CSMD1: variants seen among roughly 807,000 people sequenced by gnomAD.
The protein encoded by CSMD1 is CUB and Sushi multiple domains 1, also known as CUB and sushi domain-containing protein 1.
CSMD1 carries 213 observed loss-of-function variants against 417.5 expected under a neutral mutation model. The ratio of observed to expected loss-of-function variants is 0.51; its 90% CI spans 0.46 to 0.57. The LOEUF is 0.57. CSMD1 is among the 20% of genes least tolerant of loss of function. The pLI is 0.00. For missense variants in CSMD1, 6,923 were observed against 4,529.7 expected, an observed-to-expected ratio of 1.53 and a Z score of -15.17; for synonymous variants, 2,862 against 1,736.8, an observed-to-expected ratio of 1.65 and a Z score of -16.11.
At chr8:4,137,604 C>G (rs941399190) in intron 3 of CSMD1, among the ~76,000 whole-genome samples, 1 of 130,546 alleles carries the variant, frequency 7.7e-6, no homozygotes, top group African/African-American at 2.5e-5. Flanking sequence ...TTGTAAGATA[C>G]AAAAAAGACA....
chr8:4,667,706 A>T (rs1805026917), intron 1 of CSMD1, among the ~76,000 whole-genome samples: 1 of 152,204 alleles, frequency 6.6e-6, no homozygotes, highest in Non-Finnish European at 1.5e-5. Flanking sequence ...TAAAATATTG[A>T]CCTTAAATCA....
intron 23 of CSMD1, among the ~76,000 whole-genome samples, chr8:3,318,712 G>A (rs1259402793): frequency 6.6e-6 from 1 of 152,108 alleles, no homozygotes; most frequent in Non-Finnish European, 1.5e-5. Flanking sequence ...TTGGGTGGTG[G>A]TCACAGGAGT....
chr8:3,691,927 C>T (rs1272175753), intron 7 of CSMD1, among the ~76,000 whole-genome samples: 1 of 152,136 alleles, frequency 6.6e-6, no homozygotes, highest in East Asian at 1.9e-4. Flanking sequence ...AAAACACACT[C>T]CAATATTATT....
intron 3 of CSMD1, among the ~76,000 whole-genome samples, chr8:4,374,366 A>C (rs1435259493): frequency 6.6e-6 from 1 of 152,180 alleles, no homozygotes; most frequent in Non-Finnish European, 1.5e-5. Context: ...TATAGGTGTC[A>C]GGGGATATCA....
At chr8:3,197,552 G>A (rs1005004145) in intron 33 of CSMD1, among the ~76,000 whole-genome samples, 5 of 145,264 alleles carry the variant, frequency 3.4e-5, no homozygotes, top group South Asian at 4.4e-4. Flanking sequence ...TGCAAGCTCC[G>A]CCTCCCGGGT....
intron 5 of CSMD1, among the ~76,000 whole-genome samples, chr8:3,769,433 C>A (rs889326050): frequency 8.9e-6 from 1 of 112,220 alleles, no homozygotes; most frequent in Non-Finnish European, 2.3e-5. Context: ...CATCCAATTC[C>A]AGTGTAAAGT....
chr8:3,961,303 A>T (rs913891652), intron 5 of CSMD1, among the ~76,000 whole-genome samples: 1 of 152,220 alleles, frequency 6.6e-6, no homozygotes, highest in African/African-American at 2.4e-5. Context: ...TTATATGAGC[A>T]TAAAAGTCAT....
intron 18 of CSMD1, among the ~76,000 whole-genome samples, chr8:3,374,579 C>A (rs564877838): frequency 6.6e-6 from 1 of 152,114 alleles, no homozygotes; most frequent in African/African-American, 2.4e-5. Context: ...GCTGGTGAAT[C>A]AACAAAGTGA....
At chr8:3,414,454 G>A (rs894827017) in intron 12 of CSMD1, among the ~76,000 whole-genome samples, 2 of 152,068 alleles carry the variant, frequency 1.3e-5, no homozygotes, top group African/African-American at 4.8e-5. Context: ...TTGTGCCTCA[G>A]TTCAGGTTCT....
chr8:2,961,557 A>G (rs1803492023), intron 61 of CSMD1, among the ~76,000 whole-genome samples: 1 of 152,106 alleles, frequency 6.6e-6, no homozygotes, highest in South Asian at 2.1e-4. Context: ...TTTGCTTATT[A>G]GGATTCAATA....
chr8:4,836,678 A>G (rs921953), intron 1 of CSMD1, among the ~76,000 whole-genome samples: 150,550 of 152,224 alleles, frequency 0.99, 74,464 homozygotes, highest in East Asian at 1. Context: ...TTAGTTTTTT[A>G]TTCATCTCGT....
chr8:4,938,077 A>C (rs56130403), intron 1 of CSMD1, among the ~76,000 whole-genome samples: 35,897 of 152,074 alleles, frequency 0.24, 4,384 homozygotes, highest in East Asian at 0.38. Flanking sequence ...AATGATTAAA[A>C]TTTTATCCCT....
At chr8:3,361,168 C>T (rs1809138764) in intron 20 of CSMD1, among the ~76,000 whole-genome samples, 1 of 152,090 alleles carries the variant, frequency 6.6e-6, no homozygotes. Context: ...ACTCAACAAA[C>T]ATTAATTGAC....
chr8:4,301,018 G>A (rs772050302), intron 3 of CSMD1, among the ~76,000 whole-genome samples: 7 of 152,134 alleles, frequency 4.6e-5, no homozygotes, highest in Non-Finnish European at 1.0e-4. Flanking sequence ...CTTTATAGCA[G>A]CATGATAAGA....
At chr8:3,454,074 C>T (rs1815939593) in intron 12 of CSMD1, among the ~76,000 whole-genome samples, 1 of 151,392 alleles carries the variant, frequency 6.6e-6, no homozygotes, top group South Asian at 2.1e-4. Context: ...TAATGGCCTT[C>T]TTTGTCTCTT....
chr8:4,526,240 C>G (rs138028122), intron 2 of CSMD1, among the ~76,000 whole-genome samples: 3 of 152,176 alleles, frequency 2.0e-5, no homozygotes, highest in Non-Finnish European at 2.9e-5. Flanking sequence ...TAATACTAGA[C>G]AAGAGATTCC....
intron 2 of CSMD1, among the ~76,000 whole-genome samples, chr8:4,459,113 G>A (rs1399470098): frequency 6.6e-6 from 1 of 152,186 alleles, no homozygotes; most frequent in Non-Finnish European, 1.5e-5. Context: ...CTTCTAACCA[G>A]GAGGGTCAGG....
At chr8:4,291,923 G>C (rs755715640) in intron 3 of CSMD1, among the ~76,000 whole-genome samples, 5 of 152,160 alleles carry the variant, frequency 3.3e-5, no homozygotes, top group Non-Finnish European at 5.9e-5. Context: ...AGAACCTTCT[G>C]CCCTATGTGA....
At chr8:3,365,518 A>AT (rs1203574036) in intron 20 of CSMD1, among the ~76,000 whole-genome samples, 1 of 152,222 alleles carries the variant, frequency 6.6e-6, no homozygotes, top group Non-Finnish European at 1.5e-5. Context: ...TTATACATGA[A>AT]TTGTTTTCAA....
Sources: allele counts gnomAD v4.1 joint callset (sites outside exome capture counted in the v4.1 genomes callset), GRCh38; gene constraint gnomAD v4.1.1; transcripts MANE v1.5; gene names NCBI Gene and HGNC (gene_info 2026-07-23, HGNC 2026-07-21).